CNOT7: variants seen among roughly 807,000 people sequenced by gnomAD.
CNOT7 encodes the protein CCR4-NOT transcription complex subunit 7, also known as BTG1-binding factor 1.
CNOT7 carries 4 observed loss-of-function variants against 37.1 expected under a neutral mutation model. That is an observed-to-expected ratio of 0.11 (90% CI 0.05 to 0.25). CNOT7 has a LOEUF of 0.25. Among genes scored for constraint, CNOT7 ranks in the 10% least tolerant of loss-of-function variants. CNOT7 has a pLI of 1.00. For missense variants in CNOT7, 170 were observed against 336.2 expected (o/e 0.51, Z 3.87); for synonymous variants, 128 against 115.6 (o/e 1.11, Z -0.69).
At chr8:17,243,334 C>T in intron 2 of CNOT7, 149 bp from the exon 3 acceptor site, 6 of 671,346 alleles carry the variant, frequency 8.9e-6, no homozygotes, top group African/African-American at 1.8e-5. Context: ...CTAGAAAGAA[C>T]ATCACTTTTT....
At chr8:17,233,898 C>T (rs564183699) in intron 5 of CNOT7, among the ~76,000 whole-genome samples, 2 of 152,184 alleles carry the variant, frequency 1.3e-5, no homozygotes, top group Non-Finnish European at 2.9e-5. Flanking sequence ...ACTAAAAATA[C>T]GAAATTTAGC....
chr8:17,233,885 T>C (rs916002218), intron 5 of CNOT7, among the ~76,000 whole-genome samples: 2 of 152,188 alleles, frequency 1.3e-5, no homozygotes, highest in Non-Finnish European at 2.9e-5. Flanking sequence ...AAACCCCGAC[T>C]CTACTAAAAA....
At position 17,226,155 on chromosome 8, in the gene CNOT7, TAA is replaced by T. The variant is rs1282811414; in HGVS notation, c.*4563_*4564del. The stretch of plus-strand genomic sequence containing the variant: ...GAAACTTTTCACCAAATTTTTATTC[TAA>T]AAATTGAAAACTCAAAATATTGAGT... On this transcript the variant is annotated 3_prime_UTR_variant, in exon 7 of 7. Coordinates refer to ENST00000361272, the MANE Select transcript of CNOT7 (RefSeq NM_013354.7). 2 of 150,060 alleles carry T rather than the reference TAA, an allele frequency of 1.3e-5. No homozygotes were observed. The highest frequency in any genetic ancestry group is 3.0e-5 in the Non-Finnish European group (2 of 67,286). The allele number at this position is 150,060 out of a possible 1,614,324, so 9.3% of individuals were successfully genotyped here.
intron 1 of CNOT7, 100 bp downstream of exon 1, chr8:17,246,575 G>T: frequency 6.5e-6 from 1 of 153,618 alleles, no homozygotes; most frequent in Non-Finnish European, 1.5e-5. Flanking sequence ...CACTCCAGCT[G>T]GCGCCATCGC....
intron 3 of CNOT7, among the ~76,000 whole-genome samples, chr8:17,240,418 A>G (rs1025099013): frequency 1.3e-5 from 2 of 152,076 alleles, no homozygotes; most frequent in African/African-American, 4.8e-5. Flanking sequence ...GCCCAAGACA[A>G]TTCTTCCTCT....
At chr8:17,236,357 G>A (rs1809358218) in intron 4 of CNOT7, among the ~76,000 whole-genome samples, 1 of 152,160 alleles carries the variant, frequency 6.6e-6, no homozygotes, top group Non-Finnish European at 1.5e-5. Context: ...ATATCATTCT[G>A]AAGGTTACTT....
At chr8:17,245,716 C>G (rs1810888477) in intron 1 of CNOT7, 1 of 152,058 alleles carries the variant, frequency 6.6e-6, no homozygotes. Context: ...TTTATTCTAA[C>G]TAGACTAGAG....
At chr8:17,235,210 T>C (rs1205818658) in intron 4 of CNOT7, among the ~76,000 whole-genome samples, 1 of 152,010 alleles carries the variant, frequency 6.6e-6, no homozygotes, top group Non-Finnish European at 1.5e-5. Flanking sequence ...TTTTTTAAAG[T>C]AACTATGGAA....
chr8:17,239,807 T>C (rs972860851), intron 3 of CNOT7, among the ~76,000 whole-genome samples: 1 of 152,232 alleles, frequency 6.6e-6, no homozygotes, highest in South Asian at 2.1e-4. Flanking sequence ...AGTGAGAATT[T>C]GTTAAAAATT....
intron 5 of CNOT7, 194 bp downstream of exon 5, chr8:17,234,522 A>G: frequency 3.5e-6 from 2 of 575,316 alleles, no homozygotes; most frequent in South Asian, 4.0e-5. Context: ...CTGCCAAGAC[A>G]TACTGAAGCT....
intron 3 of CNOT7, among the ~76,000 whole-genome samples, chr8:17,237,914 T>G (rs1011703876): frequency 6.6e-6 from 1 of 152,270 alleles, no homozygotes; most frequent in Non-Finnish European, 1.5e-5. Flanking sequence ...AAATGAGCCT[T>G]GCAAATGCCT....
Position 17,243,203 on chromosome 8 carries a change from G to A in CNOT7, c.118-18C>T, listed in dbSNP as rs1585844236. 4 of 1,568,390 alleles carry A rather than the reference G, an allele frequency of 2.6e-6. No individual in the cohort carries two copies. The highest frequency in any genetic ancestry group is 2.4e-5 in the South Asian group (2 of 83,020). On this transcript the variant is annotated intron_variant, in intron 2 of 6. Coordinates refer to ENST00000361272, the MANE Select transcript of CNOT7 (RefSeq NM_013354.7). ...TCGGTGTCCTGTAAAATAGTTTTAA[G>A]ATTCATTATGTACTAAACAGTCAAA... is the stretch of plus-strand genomic sequence containing the variant.
intron 3 of CNOT7, chr8:17,242,008 G>A (rs890630134): frequency 6.6e-6 from 1 of 152,180 alleles, no homozygotes. Context: ...ACCAACCCTG[G>A]TCAGCATGTC....
intron 3 of CNOT7, among the ~76,000 whole-genome samples, chr8:17,240,501 A>G (rs959736022): frequency 1.5e-4 from 23 of 152,190 alleles, no homozygotes; most frequent in African/African-American, 5.1e-4. Flanking sequence ...AGTAAACTTT[A>G]GCAGTCATTT....
chr8:17,232,069 C>A, intron 6 of CNOT7: 4 of 1,023,370 alleles, frequency 3.9e-6, no homozygotes, highest in East Asian at 9.5e-5. Flanking sequence ...GGAGGAGCAC[C>A]AATGGGAGTC....
At position 17,231,669 on chromosome 8, in the gene CNOT7, G is replaced by T. The variant is rs762253054; in HGVS notation, c.729+758C>A. The stretch of plus-strand genomic sequence containing the variant: ...CTTATAGTCAAGAAAAACCTCACTT[G>T]TTTTTTGCACAACCAATTTTCCTGT... On this transcript the variant is annotated intron_variant, in intron 6 of 6. Coordinates refer to ENST00000361272, the MANE Select transcript of CNOT7 (RefSeq NM_013354.7). 16 of 985,314 alleles carry T rather than the reference G, an allele frequency of 1.6e-5. No homozygotes were observed. In the African/African-American group the frequency reaches 2.3e-4, roughly 14 times the overall value. 61.0% of individuals were successfully genotyped at this position (985,314 alleles called of 1,614,324 possible). A position where few individuals can be genotyped will look rare whatever the true frequency, so the allele number is the denominator to read the frequency against.
At position 17,226,635 on chromosome 8, in the gene CNOT7, C is replaced by G. The variant is rs554988239; in HGVS notation, c.*4085G>C. The stretch of plus-strand genomic sequence containing the variant: ...TTGCACTGCATCAAGGTCCAAAAAA[C>G]TGCTACAGGAAAATATATCCACTAA... On this transcript the variant is annotated 3_prime_UTR_variant, in exon 7 of 7. Transcript: ENST00000361272. 1 of 151,802 alleles carries G rather than the reference C, an allele frequency of 6.6e-6. No individual in the cohort carries two copies. Among genetic ancestry groups the G allele is most frequent in the Non-Finnish European group, 1.5e-5 (1 of 67,700 alleles). The allele number at this position is 151,802 out of a possible 1,614,324, so 9.4% of individuals were successfully genotyped here.
chr8:17,241,841 G>C (rs1448510919), intron 3 of CNOT7: 1 of 152,094 alleles, frequency 6.6e-6, no homozygotes, highest in Non-Finnish European at 1.5e-5. Context: ...TCTAGATAAA[G>C]ACCAAAATAC....
In CNOT7 at chr8:17,237,205, G is replaced by T; in HGVS notation, c.473+7C>A. On this transcript the variant is annotated splice_region_variant and intron_variant, in intron 4 of 6. Coordinates refer to ENST00000361272, the MANE Select transcript of CNOT7 (RefSeq NM_013354.7). Reference sequence around the variant, plus strand: ...AACAAATGCCATTTTCAATGTAGTCGTTTTACCTATGAAATGACAACCATT... The same window carrying T: ...AACAAATGCCATTTTCAATGTAGTCTTTTTACCTATGAAATGACAACCATT... 6.2e-7 allele frequency: 1 copy of T among 1,613,028 alleles called. No homozygotes were observed. Among genetic ancestry groups the T allele is most frequent in the African/African-American group, 1.3e-5 (1 of 74,990 alleles).
Sources: allele counts gnomAD v4.1 joint callset (sites outside exome capture counted in the v4.1 genomes callset), GRCh38; gene constraint gnomAD v4.1.1; transcripts MANE v1.5; gene names NCBI Gene and HGNC (gene_info 2026-07-23, HGNC 2026-07-21).